The following AGMO variants were observed in gnomAD, a reference collection of about 807,000 sequenced individuals.
AGMO encodes glyceryl-ether monooxygenase.
AGMO carries 75 observed loss-of-function variants against 60.2 expected under a neutral mutation model. The ratio of observed to expected loss-of-function variants is 1.25; its 90% CI spans 1.03 to 1.51. AGMO has a LOEUF of 1.51. Among genes scored for constraint, AGMO ranks in the 40% most tolerant of loss-of-function variants. AGMO has a pLI of 0.00. For synonymous variants in AGMO, 261 were observed against 177.1 expected (o/e 1.47, Z -3.76); for missense variants, 763 against 525.5 (o/e 1.45, Z -4.42).
chr7:15,258,552 A>T (rs1783170996), intron 12 of AGMO, among the ~76,000 whole-genome samples: 1 of 152,062 alleles, frequency 6.6e-6, no homozygotes, highest in Non-Finnish European at 1.5e-5. Flanking sequence ...CTTTCTCAAA[A>T]AAAAATAAAA....
intron 12 of AGMO, among the ~76,000 whole-genome samples, chr7:15,364,652 G>A (rs1027403056): frequency 4.6e-5 from 7 of 151,994 alleles, no homozygotes; most frequent in African/African-American, 1.7e-4. Flanking sequence ...GTGAAATGCC[G>A]GGTTAACGGG....
At chr7:15,495,788 T>C (rs1369868857) in intron 3 of AGMO, among the ~76,000 whole-genome samples, 7 of 152,036 alleles carry the variant, frequency 4.6e-5, no homozygotes, top group Admixed American at 2.0e-4. Flanking sequence ...TGGGGCTTCA[T>C]ACAGCTTTTC....
chr7:15,166,798 C>A, the AGMO span, among the ~76,000 whole-genome samples: 1 of 152,002 alleles, frequency 6.6e-6, no homozygotes, highest in African/African-American at 2.4e-5. Flanking sequence ...GTAGAGGAGT[C>A]CAGGATGATG....
chr7:15,343,418 G>T (rs1781928703), intron 12 of AGMO, among the ~76,000 whole-genome samples: 1 of 152,046 alleles, frequency 6.6e-6, no homozygotes, highest in Non-Finnish European at 1.5e-5. Context: ...GAAATATAAG[G>T]CAGACAGCCC....
intron 3 of AGMO, among the ~76,000 whole-genome samples, chr7:15,542,165 A>G (rs1204914238): frequency 6.6e-6 from 1 of 152,320 alleles, no homozygotes; most frequent in South Asian, 2.1e-4. Context: ...AAATTTAAAA[A>G]TTAAGCATTA....
chr7:15,305,622 A>C (rs1780592378), intron 12 of AGMO, among the ~76,000 whole-genome samples: 1 of 152,008 alleles, frequency 6.6e-6, no homozygotes, highest in African/African-American at 2.4e-5. Flanking sequence ...ATTCCTATAT[A>C]TATATTTATA....
the AGMO span, among the ~76,000 whole-genome samples, chr7:15,118,295 G>T: frequency 6.6e-6 from 1 of 151,148 alleles, no homozygotes; most frequent in Admixed American, 6.6e-5. Context: ...CTCATTATTG[G>T]CTCAAAAATC....
At chr7:15,244,449 A>T (rs1343632805) in intron 12 of AGMO, among the ~76,000 whole-genome samples, 1 of 152,126 alleles carries the variant, frequency 6.6e-6, no homozygotes, top group Non-Finnish European at 1.5e-5. Flanking sequence ...ACTGCAAAAC[A>T]CCATTACCCG....
intron 10 of AGMO, among the ~76,000 whole-genome samples, chr7:15,373,130 C>G (rs1247487929): frequency 6.6e-6 from 1 of 151,846 alleles, no homozygotes; most frequent in Non-Finnish European, 1.5e-5. Flanking sequence ...CAAAAATTAT[C>G]TGGGCATGGT....
At chr7:15,319,343 T>C (rs1781035535) in intron 12 of AGMO, among the ~76,000 whole-genome samples, 2 of 152,098 alleles carry the variant, frequency 1.3e-5, no homozygotes. Flanking sequence ...CTCATGGAGT[T>C]TATCAACTGA....
In AGMO at chr7:15,273,560, C is replaced by A. The variant is rs575077290; in HGVS notation, c.1264-72201G>T. Among the ~76,000 whole-genome samples the A allele has an allele frequency of 1.4e-3, 210 of 152,248 alleles. 1 individual carries two copies. The highest frequency in any genetic ancestry group is 2.2e-3 in the Non-Finnish European group (149 of 68,020). The stretch of plus-strand genomic sequence containing the variant: ...TAGTTTGAAGTCAGGTAGTGTGATG[C>A]CTCCAGCTTTGTTCTTTTGGCTTAG... On this transcript the variant is annotated intron_variant, in intron 12 of 12. Transcript: ENST00000342526.
intron 2 of AGMO, among the ~76,000 whole-genome samples, chr7:15,547,449 A>T (rs993549478): frequency 6.6e-5 from 10 of 152,040 alleles, no homozygotes; most frequent in African/African-American, 2.2e-4. Flanking sequence ...GGCGCAGGTC[A>T]GTGGGTGCGC....
the AGMO span, among the ~76,000 whole-genome samples, chr7:15,182,444 G>A: frequency 3.3e-5 from 5 of 152,084 alleles, no homozygotes; most frequent in African/African-American, 1.2e-4. Flanking sequence ...TGAGACAGAT[G>A]TCACTCTGTT....
chr7:15,382,076 T>C (rs1250442128), intron 10 of AGMO, among the ~76,000 whole-genome samples: 2 of 152,068 alleles, frequency 1.3e-5, no homozygotes, highest in African/African-American at 4.8e-5. Flanking sequence ...CTAGGCTTAA[T>C]ACCTAGATGA....
intron 2 of AGMO, among the ~76,000 whole-genome samples, chr7:15,555,292 T>TACACACACAC (rs58173194): frequency 1.0e-5 from 1 of 95,850 alleles, no homozygotes; most frequent in Admixed American, 1.1e-4. Context: ...TATATATATA[T>TACACACACAC]ACACACACAC....
the AGMO span, among the ~76,000 whole-genome samples, chr7:15,118,876 A>ATTTTTTTTTTT: frequency 3.7e-5 from 3 of 81,756 alleles, no homozygotes; most frequent in East Asian, 5.5e-4. Flanking sequence ...AGACGTCAGT[A>ATTTTTTTTTTT]TTTTTTTTTT....
intron 5 of AGMO, among the ~76,000 whole-genome samples, chr7:15,405,338 CAT>C (rs1374621716): frequency 2.6e-5 from 4 of 151,876 alleles, no homozygotes; most frequent in African/African-American, 9.7e-5. Context: ...ATTAATACAA[CAT>C]AGTTATTATC....
intron 10 of AGMO, among the ~76,000 whole-genome samples, chr7:15,376,921 C>T (rs538607284): frequency 6.6e-6 from 1 of 151,804 alleles, no homozygotes; most frequent in Non-Finnish European, 1.5e-5. Flanking sequence ...ACACCTTTGT[C>T]GTGGCCATCA....
At chr7:15,274,120 C>T (rs1783706251) in intron 12 of AGMO, among the ~76,000 whole-genome samples, 1 of 152,150 alleles carries the variant, frequency 6.6e-6, no homozygotes, top group African/African-American at 2.4e-5. Context: ...TTATTTCCTT[C>T]TCCTGCCTGA....
Sources: allele counts gnomAD v4.1 joint callset (sites outside exome capture counted in the v4.1 genomes callset), GRCh38; gene constraint gnomAD v4.1.1; transcripts MANE v1.5; gene names NCBI Gene and HGNC (gene_info 2026-07-23, HGNC 2026-07-21).